The following ADISSP variants were observed in gnomAD, a reference collection of about 807,000 sequenced individuals.
ADISSP encodes adipose secreted signaling protein.
chr20:3,758,697 G>A, the ADISSP span: 26 of 1,608,922 alleles, frequency 1.6e-5, no homozygotes, highest in Non-Finnish European at 2.2e-5. This position sits in a 1 kb window ranked among gnomAD's most constrained non-coding sequence, Gnocchi z 5.5. Flanking sequence ...AGTGGGAGAG[G>A]GCTCTGAGGG....
At chr20:3,760,147 G>T in the ADISSP span, 4 of 1,482,610 alleles carry the variant, frequency 2.7e-6, no homozygotes, top group Non-Finnish European at 3.7e-6. Flanking sequence ...CGCCACTCAC[G>T]CTCAGCAGCC....
the ADISSP span, among the ~76,000 whole-genome samples, chr20:3,757,477 A>G: frequency 6.6e-6 from 1 of 152,190 alleles, no homozygotes; most frequent in African/African-American, 2.4e-5. Flanking sequence ...CATGTCTATT[A>G]AGACATGAGT....
chr20:3,762,170 G>A, the ADISSP span, among the ~76,000 whole-genome samples: 2 of 152,064 alleles, frequency 1.3e-5, no homozygotes, highest in East Asian at 3.9e-4. Context: ...TAGTTGGGAG[G>A]TTGAGGCAGG....
the ADISSP span, among the ~76,000 whole-genome samples, chr20:3,763,969 AC>A: frequency 2.0e-5 from 3 of 152,020 alleles, no homozygotes; most frequent in African/African-American, 7.3e-5. Context: ...CAGGCCAGCA[AC>A]CCCCTCTTGG....
At chr20:3,756,498 G>C in the ADISSP span, among the ~76,000 whole-genome samples, 11 of 152,248 alleles carry the variant, frequency 7.2e-5, no homozygotes, top group Non-Finnish European at 5.9e-5. Context: ...TGGGCACACA[G>C]AGTCCTGCTC....
chr20:3,753,682 T>G, the ADISSP span: 2 of 293,230 alleles, frequency 6.8e-6, no homozygotes, highest in Non-Finnish European at 1.3e-5. Context: ...AAGGCAGCAG[T>G]AATGGGGCCA....
At chr20:3,767,932 G>C in the ADISSP span, 1 of 152,290 alleles carries the variant, frequency 6.6e-6, no homozygotes, top group Non-Finnish European at 1.5e-5. Flanking sequence ...GCTAGTCCGC[G>C]CCTGCCGGGC....
At chr20:3,766,171 G>A in the ADISSP span, among the ~76,000 whole-genome samples, 71 of 152,336 alleles carry the variant, frequency 4.7e-4, no homozygotes, top group African/African-American at 1.6e-3. Flanking sequence ...TCCAGCAGAA[G>A]CACTGTGTAG....
chr20:3,766,089 G>A, the ADISSP span, among the ~76,000 whole-genome samples: 25 of 152,286 alleles, frequency 1.6e-4, no homozygotes, highest in Middle Eastern at 3.4e-3. Flanking sequence ...CAGGAACTCC[G>A]CAACCTTCCA....
chr20:3,763,418 C>T, the ADISSP span, among the ~76,000 whole-genome samples: 2 of 149,368 alleles, frequency 1.3e-5, no homozygotes, highest in Admixed American at 6.7e-5. Context: ...ATTAGCCAGG[C>T]GTGGTGGCGC....
chr20:3,759,789 G>A, the ADISSP span, among the ~76,000 whole-genome samples: 3,291 of 151,900 alleles, frequency 0.022, 139 homozygotes, highest in African/African-American at 0.074. The surrounding 1 kb of genome is among the most constrained non-coding windows in gnomAD (Gnocchi z 4.6). Flanking sequence ...TAAGCCCCTC[G>A]GCTCCCCCAA....
chr20:3,762,049 G>A, the ADISSP span, among the ~76,000 whole-genome samples: 7 of 152,180 alleles, frequency 4.6e-5, no homozygotes, highest in East Asian at 3.9e-4. Context: ...GCACTTTCAC[G>A]GATCACAAGG....
the ADISSP span, chr20:3,755,465 G>A: frequency 3.8e-5 from 61 of 1,604,048 alleles, no homozygotes; most frequent in South Asian, 6.0e-4. Flanking sequence ...AGGAGGGGAC[G>A]CACCTTCAGG....
the ADISSP span, among the ~76,000 whole-genome samples, chr20:3,763,255 CA>C: frequency 8.4e-4 from 41 of 48,760 alleles, no homozygotes; most frequent in Admixed American, 1.5e-3. Context: ...GACTCTGTCT[CA>C]AAAAAAAAAA....
At chr20:3,761,775 G>T in the ADISSP span, among the ~76,000 whole-genome samples, 1 of 152,178 alleles carries the variant, frequency 6.6e-6, no homozygotes, top group African/African-American at 2.4e-5. Context: ...GCAGCCCAAA[G>T]TCACAGCATC....
At chr20:3,760,291 C>T in the ADISSP span, 1 of 583,516 alleles carries the variant, frequency 1.7e-6, no homozygotes, top group East Asian at 2.8e-5. Context: ...ACCCCTACCG[C>T]TCTCAGCAGC....
At chr20:3,760,094 C>A in the ADISSP span, 1 of 1,611,920 alleles carries the variant, frequency 6.2e-7, no homozygotes, top group South Asian at 1.1e-5. Context: ...TTGTTGGCTG[C>A]AGCCATGGAC....
At chr20:3,754,607 T>C in the ADISSP span, 3 of 1,362,262 alleles carry the variant, frequency 2.2e-6, no homozygotes, top group African/African-American at 4.3e-5. Flanking sequence ...CCCACCACCA[T>C]GGGGGGACTG....
chr20:3,756,846 A>C, the ADISSP span, among the ~76,000 whole-genome samples: 1 of 152,206 alleles, frequency 6.6e-6, no homozygotes, highest in Non-Finnish European at 1.5e-5. Context: ...CAATGATGAC[A>C]CGTATCATGG....
Sources: gnomAD v4.1 joint callset for allele counts (sites outside exome capture counted in the v4.1 genomes callset) on GRCh38, gnomAD v4.1.1 for gene constraint, Gnocchi (gnomAD v3.1) non-coding constraint, MANE v1.5 for transcripts, NCBI Gene and HGNC (gene_info 2026-07-23, HGNC 2026-07-21) for gene names.